Variants in NTM observed in about 807,000 individuals in gnomAD.
The protein encoded by NTM is IgLON family member 2.
In NTM, 13 loss-of-function variants were observed where a neutral mutation model predicts 42.1. The observed-to-expected ratio is 0.31, with a 90% CI of 0.20 to 0.49. NTM has a LOEUF of 0.49. Ranked by LOEUF, NTM falls within the 20% of genes least tolerant of loss-of-function variation. The pLI is 0.99. For missense variants in NTM, 373 were observed against 452.8 expected (o/e 0.82, Z 1.60); for synonymous variants, 187 against 179.2 (o/e 1.04, Z -0.35).
chr11:131,466,754 G>A (rs1182401144), intron 1 of NTM, among the ~76,000 whole-genome samples: 1 of 152,192 alleles, frequency 6.6e-6, no homozygotes, highest in Non-Finnish European at 1.5e-5. Flanking sequence ...AGAGCAAATA[G>A]AATCAAGTAT....
chr11:131,940,423 A>G (rs192764298), intron 2 of NTM, among the ~76,000 whole-genome samples: 11 of 152,352 alleles, frequency 7.2e-5, no homozygotes, highest in African/African-American at 2.4e-4. Flanking sequence ...ATACATATGT[A>G]TTTTAAAGTT....
At chr11:131,941,487 C>T (rs1200219986) in intron 2 of NTM, among the ~76,000 whole-genome samples, 1 of 152,198 alleles carries the variant, frequency 6.6e-6, no homozygotes, top group African/African-American at 2.4e-5. Flanking sequence ...TAGTGTCTTA[C>T]AAGTGACAAA....
chr11:131,555,008 C>A (rs956129526), intron 1 of NTM, among the ~76,000 whole-genome samples: 3 of 152,058 alleles, frequency 2.0e-5, no homozygotes, highest in Non-Finnish European at 4.4e-5. Flanking sequence ...TCTAAATCAC[C>A]ATTATGGGCC....
At chr11:132,081,375 C>T (rs1180465922) in intron 2 of NTM, among the ~76,000 whole-genome samples, 1 of 152,180 alleles carries the variant, frequency 6.6e-6, no homozygotes, top group East Asian at 1.9e-4. Context: ...TAGTGATGTA[C>T]ATTGACATCT....
At chr11:132,078,236 A>G (rs957046755) in intron 2 of NTM, among the ~76,000 whole-genome samples, 1 of 152,182 alleles carries the variant, frequency 6.6e-6, no homozygotes, top group Non-Finnish European at 1.5e-5. Context: ...AAGGATTCCA[A>G]ATGAGGACTG....
intron 1 of NTM, among the ~76,000 whole-genome samples, chr11:131,401,018 G>GA (rs879694794): frequency 1.2e-3 from 157 of 134,190 alleles, no homozygotes; most frequent in South Asian, 0.01. Flanking sequence ...CACAGAAATA[G>GA]AAAAAAAAAA....
At position 131,604,643 on chromosome 11, in the gene NTM, GTT is replaced by G. The variant is rs5795733; in HGVS notation, c.82+233770_82+233771del. On this transcript the variant is annotated intron_variant, in intron 1 of 8. Coordinates refer to ENST00000683400, the MANE Select transcript of NTM (RefSeq NM_001352005.2). ...TTACCCATATATATTCTTCTAAAAGGTTTTTTTTTTTTTTTTAAATTTAGCTA... is the reference window on the plus strand; with the variant it reads ...TTACCCATATATATTCTTCTAAAAGGTTTTTTTTTTTTTTAAATTTAGCTA... 1.2e-3 allele frequency among the ~76,000 whole-genome samples: 158 copies of G among 133,050 alleles called. 2 individuals carry two copies. Among genetic ancestry groups the G allele is most frequent in the African/African-American group, 4.5e-3 (152 of 33,814 alleles). The allele number at this position is 133,050 out of a possible 152,430, so 87.3% of individuals were successfully genotyped here. A position where few individuals can be genotyped will look rare whatever the true frequency, so the allele number is the denominator to read the frequency against.
intron 7 of NTM, among the ~76,000 whole-genome samples, chr11:132,315,603 T>C (rs1292263666): frequency 6.6e-6 from 1 of 152,234 alleles, no homozygotes; most frequent in Admixed American, 6.5e-5. Flanking sequence ...ATTTGACAGA[T>C]AATTTGCAAG....
intron 2 of NTM, among the ~76,000 whole-genome samples, chr11:131,928,521 T>G (rs1481334240): frequency 1.3e-5 from 2 of 151,654 alleles, no homozygotes; most frequent in Non-Finnish European, 2.9e-5. Context: ...TTCTGTGGTC[T>G]CCCGTCTGTG....
At chr11:131,993,705 C>A (rs2067433336) in intron 2 of NTM, among the ~76,000 whole-genome samples, 1 of 151,896 alleles carries the variant, frequency 6.6e-6, no homozygotes, top group African/African-American at 2.4e-5. Flanking sequence ...AATAGAGCAA[C>A]CATAAAGGAG....
chr11:131,693,796 C>T (rs2075091264), intron 1 of NTM, among the ~76,000 whole-genome samples: 1 of 152,182 alleles, frequency 6.6e-6, no homozygotes, highest in South Asian at 2.1e-4. Flanking sequence ...GTGTCTCTCT[C>T]CTCCCCTCTC....
At chr11:131,730,735 G>A (rs11222754) in intron 1 of NTM, among the ~76,000 whole-genome samples, 17,634 of 141,418 alleles carry the variant, frequency 0.12, 1,655 homozygotes, top group Middle Eastern at 0.19. Flanking sequence ...AAGAAGAAGA[G>A]AAGAAGACGA....
In NTM at chr11:132,310,919, A is replaced by G. The variant is rs987054439; in HGVS notation, c.782+687A>G. 4.6e-5 allele frequency among the ~76,000 whole-genome samples: 7 copies of G among 152,338 alleles called. No homozygotes were observed. In the Middle Eastern group the frequency reaches 0.017, roughly 370 times the overall value. On this transcript the variant is annotated intron_variant, in intron 6 of 8. Coordinates refer to ENST00000683400, the MANE Select transcript of NTM (RefSeq NM_001352005.2). ...AGGCACCATGGCAATTGCTGTTATC[A>G]AAGAGCCATTTTTAAGGGGGATGAA... is the stretch of plus-strand genomic sequence containing the variant.
chr11:132,325,729 G>A (rs1158733587), intron 7 of NTM, among the ~76,000 whole-genome samples: 4 of 152,162 alleles, frequency 2.6e-5, no homozygotes, highest in African/African-American at 9.7e-5. Flanking sequence ...TATGTTTATT[G>A]TGGCACTATT....
chr11:132,319,347 G>A (rs1351440012), intron 7 of NTM, among the ~76,000 whole-genome samples: 1 of 152,216 alleles, frequency 6.6e-6, no homozygotes, highest in Non-Finnish European at 1.5e-5. Flanking sequence ...AGCACAAGGG[G>A]TCAGGGAATT....
chr11:131,826,814 T>G (rs2042191431), intron 1 of NTM, among the ~76,000 whole-genome samples: 1 of 151,964 alleles, frequency 6.6e-6, no homozygotes, highest in Admixed American at 6.6e-5. Flanking sequence ...CTCTGGAGCT[T>G]TGGTGATATG....
At chr11:131,723,853 A>C (rs1402212949) in intron 1 of NTM, among the ~76,000 whole-genome samples, 1 of 151,982 alleles carries the variant, frequency 6.6e-6, no homozygotes, top group Non-Finnish European at 1.5e-5. Context: ...CATGAGAAAG[A>C]GAGACAGACA....
intron 1 of NTM, among the ~76,000 whole-genome samples, chr11:131,688,447 C>T (rs1250959035): frequency 6.6e-6 from 1 of 152,252 alleles, no homozygotes; most frequent in Non-Finnish European, 1.5e-5. Flanking sequence ...TGGGATGGCA[C>T]ATGTCATTTC....
At chr11:131,477,095 G>A (rs1953024698) in intron 1 of NTM, among the ~76,000 whole-genome samples, 1 of 152,038 alleles carries the variant, frequency 6.6e-6, no homozygotes, top group African/African-American at 2.4e-5. Flanking sequence ...AGCACAGCTT[G>A]GAGGAGAAAG....
Sources: allele counts gnomAD v4.1 joint callset (sites outside exome capture counted in the v4.1 genomes callset), GRCh38; gene constraint gnomAD v4.1.1; transcripts MANE v1.5; gene names NCBI Gene and HGNC (gene_info 2026-07-23, HGNC 2026-07-21).